Variants in VTI1A observed in about 807,000 individuals in gnomAD.
The protein encoded by VTI1A is vesicle transport through interaction with t-SNAREs 1A.
VTI1A carries 22 observed loss-of-function variants against 34.9 expected under a neutral mutation model. That is an observed-to-expected ratio of 0.63 (90% confidence interval 0.45 to 0.90). The LOEUF (loss-of-function observed/expected upper bound fraction) is 0.90. Among genes scored for constraint, VTI1A ranks in the 40% least tolerant of loss-of-function variants. The pLI, the probability that VTI1A is intolerant of heterozygous loss-of-function variation, is 0.00. For missense variants in VTI1A, 268 were observed against 275.6 expected (o/e 0.97, Z 0.20); for synonymous variants, 87 against 97.3 (o/e 0.89, Z 0.62).
the VTI1A span, among the ~76,000 whole-genome samples, chr10:112,828,439 T>C: frequency 1.3e-5 from 2 of 152,120 alleles, no homozygotes; most frequent in African/African-American, 4.8e-5. Context: ...GGAGTCTCGC[T>C]CTGTTGCCCT....
At chr10:112,501,390 A>G (rs926474058) in intron 3 of VTI1A, among the ~76,000 whole-genome samples, 1 of 151,818 alleles carries the variant, frequency 6.6e-6, no homozygotes, top group Non-Finnish European at 1.5e-5. Flanking sequence ...TTTCATGGTA[A>G]GCTATTTTAG....
chr10:112,720,999 A>G (rs961066576), intron 7 of VTI1A, among the ~76,000 whole-genome samples: 3 of 152,126 alleles, frequency 2.0e-5, no homozygotes, highest in South Asian at 2.1e-4. Context: ...TTACTCAGTG[A>G]CATTTATTGT....
At chr10:112,569,252 C>T (rs1852027849) in intron 5 of VTI1A, among the ~76,000 whole-genome samples, 1 of 152,050 alleles carries the variant, frequency 6.6e-6, no homozygotes. Context: ...AGGCGGACAA[C>T]TGTTTGTTGC....
intron 1 of VTI1A, among the ~76,000 whole-genome samples, chr10:112,451,507 A>G (rs1420127101): frequency 6.6e-6 from 1 of 152,164 alleles, no homozygotes; most frequent in Non-Finnish European, 1.5e-5. Context: ...TGATGAACAC[A>G]TTTGAAAGGA....
At position 112,622,455 on chromosome 10, in the gene VTI1A, TA is replaced by T. The variant is rs530312462; in HGVS notation, c.428-45748del. On this transcript the variant is annotated intron_variant, in intron 5 of 7. Coordinates refer to ENST00000393077, the MANE Select transcript of VTI1A (RefSeq NM_145206.4). ...TTATATTTATAAAACAAAAAGTACC[TA>T]AAAAAAAAAAAAAAGAAGAGGTGTA... Among the ~76,000 whole-genome samples the T allele has an allele frequency of 8.5e-3, 969 of 114,078 alleles. 2 individuals are homozygous for T. Among genetic ancestry groups the T allele is most frequent in the African/African-American group, 0.017 (535 of 31,050 alleles). The allele number at this position is 114,078 out of a possible 152,430, so 74.8% of individuals were successfully genotyped here.
At chr10:112,656,220 T>G (rs967277646) in intron 5 of VTI1A, among the ~76,000 whole-genome samples, 3 of 152,084 alleles carry the variant, frequency 2.0e-5, no homozygotes, top group Admixed American at 1.3e-4. Context: ...CAGGGCACTG[T>G]GATTGATTGA....
chr10:112,812,166 C>T (rs370715500), intron 7 of VTI1A, among the ~76,000 whole-genome samples: 1 of 152,200 alleles, frequency 6.6e-6, no homozygotes, highest in African/African-American at 2.4e-5. Context: ...AAGTTTTTGC[C>T]TGGAGGCAAT....
At chr10:112,622,497 A>ATTCT (rs1386795856) in intron 5 of VTI1A, among the ~76,000 whole-genome samples, 2 of 152,058 alleles carry the variant, frequency 1.3e-5, no homozygotes, top group East Asian at 3.8e-4. Flanking sequence ...ATTGGGTAGA[A>ATTCT]GAGCCAGGAC....
chr10:112,852,421 C>G, the VTI1A span, among the ~76,000 whole-genome samples: 1 of 152,220 alleles, frequency 6.6e-6, no homozygotes, highest in East Asian at 1.9e-4. Context: ...TCTTTCACTT[C>G]CCAATTCTCT....
chr10:112,534,654 T>C (rs576535274), intron 4 of VTI1A, among the ~76,000 whole-genome samples: 25 of 152,248 alleles, frequency 1.6e-4, no homozygotes, highest in African/African-American at 5.5e-4. Flanking sequence ...GGGAAAAATA[T>C]ACAAAAACCC....
In VTI1A at chr10:112,811,683, C is replaced by CAA. The variant is rs869030543; in HGVS notation, c.561-3579_561-3578dup. Among the ~76,000 whole-genome samples, 35 of 11,812 alleles carry CAA rather than the reference C, an allele frequency of 3.0e-3. 4 individuals carry two copies. Among genetic ancestry groups the CAA allele is most frequent in the South Asian group, 7.0e-3 (2 of 284 alleles). 7.7% of individuals were successfully genotyped at this position (11,812 alleles called of 152,430 possible). On this transcript the variant is annotated intron_variant, in intron 7 of 7. Transcript: ENST00000393077. ...TGGGCGACAGAGCGAGACTCCGTCT[C>CAA]AAAAAAAAAAAAAAAAAAAAAAAAA...
At chr10:112,546,062 ATG>A (rs59445914) in intron 5 of VTI1A, among the ~76,000 whole-genome samples, 51 of 130,096 alleles carry the variant, frequency 3.9e-4, no homozygotes, top group African/African-American at 1.4e-3. Flanking sequence ...GTATACGCGT[ATG>A]TGTGTGTATA....
intron 5 of VTI1A, among the ~76,000 whole-genome samples, chr10:112,580,631 C>A (rs945949914): frequency 1.3e-5 from 2 of 151,962 alleles, no homozygotes; most frequent in African/African-American, 4.8e-5. Context: ...GACAGGAGAA[C>A]AAAGAGGGAG....
intron 4 of VTI1A, among the ~76,000 whole-genome samples, chr10:112,535,816 T>C (rs934459377): frequency 6.6e-6 from 1 of 152,204 alleles, no homozygotes; most frequent in Non-Finnish European, 1.5e-5. Context: ...ACCAGGGCAA[T>C]GTACAACTAA....
intron 5 of VTI1A, among the ~76,000 whole-genome samples, chr10:112,588,612 C>G (rs966165638): frequency 2.0e-5 from 3 of 152,176 alleles, no homozygotes; most frequent in African/African-American, 7.2e-5. Context: ...ATGTTTCACT[C>G]CAAATGGTTT....
chr10:112,536,050 A>G (rs1370893366), intron 4 of VTI1A, among the ~76,000 whole-genome samples: 1 of 152,228 alleles, frequency 6.6e-6, no homozygotes, highest in African/African-American at 2.4e-5. Context: ...AAATTTTGCT[A>G]TTATAACCAT....
intron 7 of VTI1A, among the ~76,000 whole-genome samples, chr10:112,805,125 C>CA (rs1853028187): frequency 2.0e-5 from 3 of 151,954 alleles, no homozygotes; most frequent in African/African-American, 4.8e-5. Flanking sequence ...CATAGCCTCC[C>CA]AAATGTGTGG....
intron 5 of VTI1A, among the ~76,000 whole-genome samples, chr10:112,630,830 A>AT (rs1404679815): frequency 3.9e-5 from 6 of 152,318 alleles, no homozygotes; most frequent in Admixed American, 3.3e-4. Flanking sequence ...ATGTAACAAT[A>AT]TAAGAAGGCA....
chr10:112,775,270 A>G (rs1161444435), intron 7 of VTI1A, among the ~76,000 whole-genome samples: 1 of 152,248 alleles, frequency 6.6e-6, no homozygotes, highest in Non-Finnish European at 1.5e-5. Flanking sequence ...TGCAGTAGCA[A>G]ATAGGTTCCA....
Sources: allele counts gnomAD v4.1 joint callset (sites outside exome capture counted in the v4.1 genomes callset), GRCh38; gene constraint gnomAD v4.1.1; transcripts MANE v1.5; gene names NCBI Gene and HGNC (gene_info 2026-07-23, HGNC 2026-07-21).